HDAC9: variants seen among roughly 807,000 people sequenced by gnomAD.
HDAC9 encodes MEF-2 interacting transcription repressor (MITR) protein.
Under a neutral mutation model 139.4 loss-of-function variants are expected in HDAC9, and 41 were observed. The ratio of observed to expected loss-of-function variants is 0.29; its 90% confidence interval spans 0.23 to 0.38. HDAC9 has a LOEUF of 0.38. Among genes scored for constraint, HDAC9 ranks in the 10% least tolerant of loss-of-function variants. The pLI is 1.00. For missense variants in HDAC9, 1,147 were observed against 1,297.0 expected (o/e 0.88, Z 1.78); for synonymous variants, 517 against 476.2 (o/e 1.09, Z -1.12).
At chr7:18,314,902 A>C (rs1029203755) in intron 1 of HDAC9, among the ~76,000 whole-genome samples, 3 of 152,240 alleles carry the variant, frequency 2.0e-5, no homozygotes. Context: ...ACCATCACAA[A>C]TAAATATGTG....
chr7:18,224,145 A>G (rs1284861718), intron 2 of HDAC9, among the ~76,000 whole-genome samples: 1 of 152,202 alleles, frequency 6.6e-6, no homozygotes, highest in Non-Finnish European at 1.5e-5. Context: ...GTATGACTGC[A>G]TACCATTTTG....
At chr7:18,302,776 C>T (rs1798626664) in intron 1 of HDAC9, among the ~76,000 whole-genome samples, 1 of 152,098 alleles carries the variant, frequency 6.6e-6, no homozygotes, top group Non-Finnish European at 1.5e-5. Flanking sequence ...GTCTATAGTA[C>T]AGTGTTTGGG....
At chr7:18,652,213 A>G (rs184308743) in intron 11 of HDAC9, among the ~76,000 whole-genome samples, 24 of 152,242 alleles carry the variant, frequency 1.6e-4, no homozygotes, top group African/African-American at 5.5e-4. Flanking sequence ...GAGTTTCTTT[A>G]TACCAGCATC....
At chr7:18,928,307 A>T (rs984122235) in intron 22 of HDAC9, among the ~76,000 whole-genome samples, 1 of 152,214 alleles carries the variant, frequency 6.6e-6, no homozygotes, top group Non-Finnish European at 1.5e-5. Context: ...AGGTTATTCA[A>T]AATAGGCATT....
At chr7:18,175,768 A>AAC (rs1788844101) in intron 2 of HDAC9, among the ~76,000 whole-genome samples, 1 of 112,722 alleles carries the variant, frequency 8.9e-6, no homozygotes, top group Non-Finnish European at 1.8e-5. Flanking sequence ...ATTATTTTTA[A>AAC]CCCCCCCCCC....
At chr7:18,126,752 A>G (rs900680431) in intron 1 of HDAC9, among the ~76,000 whole-genome samples, 1 of 152,122 alleles carries the variant, frequency 6.6e-6, no homozygotes, top group African/African-American at 2.4e-5. Context: ...TGAGGGGTTT[A>G]CTAGTGCTGG....
rs115090580 is a variant in HDAC9, at chr7:18,699,504, T to C, written c.1732-28076T>C. On this transcript the variant is annotated intron_variant, in intron 12 of 25. Transcript: ENST00000686413. ...TAGTGCAAATAAGAAGTGTAAGAAGTATAAAATCAGTACAGAAGAACATGA... is the reference window on the plus strand; with the variant it reads ...TAGTGCAAATAAGAAGTGTAAGAAGCATAAAATCAGTACAGAAGAACATGA... Among the ~76,000 whole-genome samples, 497 of 152,276 alleles carry C rather than the reference T, an allele frequency of 3.3e-3. 5 individuals are homozygous for C. The highest frequency in any genetic ancestry group is 0.011 in the African/African-American group (470 of 41,568).
upstream of HDAC9, among the ~76,000 whole-genome samples, chr7:18,286,390 A>G (rs1013980305): frequency 1.3e-5 from 2 of 149,008 alleles, no homozygotes; most frequent in African/African-American, 4.9e-5. Context: ...ATATAGTAAT[A>G]TGTATTTATA....
At chr7:18,604,531 C>T (rs941674939) in intron 6 of HDAC9, among the ~76,000 whole-genome samples, 7 of 151,762 alleles carry the variant, frequency 4.6e-5, no homozygotes, top group East Asian at 3.9e-4. Flanking sequence ...CTCAGCCTCC[C>T]GAGAAGCTGG....
intron 2 of HDAC9, among the ~76,000 whole-genome samples, chr7:18,232,910 C>A (rs1228195336): frequency 6.6e-6 from 1 of 152,174 alleles, no homozygotes; most frequent in Non-Finnish European, 1.5e-5. Context: ...ATGCAAACAT[C>A]ATTTCCATTA....
At chr7:18,432,360 T>C (rs745629662) in intron 1 of HDAC9, among the ~76,000 whole-genome samples, 10 of 152,236 alleles carry the variant, frequency 6.6e-5, no homozygotes, top group Non-Finnish European at 1.2e-4. Context: ...TATGAGGACA[T>C]GTATTTTAAC....
At position 18,496,313 on chromosome 7, in the gene HDAC9, T is replaced by G. The variant is rs1284593198; in HGVS notation, c.11T>G (p.Met4Arg). The stretch of plus-strand genomic sequence containing the variant: ...TTGGCTCAGCAAAGAATGCACAGTA[T>G]GATCAGCTCAGGTAAGATCCTCTTT... Reference protein sequence around the residue: MHSMISSVDVKSEV... With the variant: MHSRISSVDVKSEV... The change falls in exon 2 of 26, where the codon ATG (methionine) becomes AGG (arginine). Residue 4 changes from methionine (M) to arginine (R), a missense_variant. Met to Arg is a moderately conservative substitution (Grantham distance 91). Around this residue, in one of 7 missense-constraint regions of HDAC9, gnomAD observed 136 missense variants for 183.5 expected, o/e 0.74. Transcript: ENST00000686413. The G allele has an allele frequency of 6.2e-7, 1 of 1,613,100 alleles. No individual in the cohort carries two copies. The highest frequency in any genetic ancestry group is 1.7e-5 in the Admixed American group (1 of 59,892).
At chr7:18,732,705 G>A (rs1166939813) in intron 13 of HDAC9, among the ~76,000 whole-genome samples, 5 of 131,080 alleles carry the variant, frequency 3.8e-5, no homozygotes, top group South Asian at 2.4e-4. Flanking sequence ...ACACGTGTAT[G>A]TGTGCGTATG....
chr7:18,323,815 C>A (rs895964713), intron 1 of HDAC9, among the ~76,000 whole-genome samples: 2 of 152,088 alleles, frequency 1.3e-5, no homozygotes, highest in Non-Finnish European at 2.9e-5. Flanking sequence ...ACACCATAGA[C>A]CACTTGACTT....
intron 17 of HDAC9, among the ~76,000 whole-genome samples, chr7:18,818,491 TG>T (rs1794733146): frequency 6.6e-6 from 1 of 152,338 alleles, no homozygotes; most frequent in East Asian, 1.9e-4. Flanking sequence ...TCTCATCTCT[TG>T]TCAGTTTATA....
intron 2 of HDAC9, among the ~76,000 whole-genome samples, chr7:18,187,699 C>A (rs1584531480): frequency 6.6e-6 from 1 of 152,168 alleles, no homozygotes; most frequent in Non-Finnish European, 1.5e-5. Flanking sequence ...CAGCCTAATC[C>A]ATACAGTGTT....
chr7:18,453,325 G>A (rs531191788), intron 1 of HDAC9, among the ~76,000 whole-genome samples: 2 of 152,198 alleles, frequency 1.3e-5, no homozygotes, highest in East Asian at 3.9e-4. Context: ...ATTAAAAAAA[G>A]TGGGGGGAAG....
intron 24 of HDAC9, among the ~76,000 whole-genome samples, chr7:18,959,550 C>T (rs1275730438): frequency 6.6e-6 from 1 of 152,162 alleles, no homozygotes; most frequent in Non-Finnish European, 1.5e-5. Context: ...AGTTGAAAAA[C>T]ACCAGTGTAG....
chr7:18,229,924 A>G (rs987087580), intron 2 of HDAC9, among the ~76,000 whole-genome samples: 1 of 152,170 alleles, frequency 6.6e-6, no homozygotes, highest in African/African-American at 2.4e-5. Context: ...AACTGTTTCT[A>G]CAAGTCATCA....
Sources: gnomAD v4.1 joint callset for allele counts (sites outside exome capture counted in the v4.1 genomes callset) on GRCh38, gnomAD v4.1.1 for gene constraint, gnomAD v4.1.1 regional missense constraint, MANE v1.5 for transcripts, NCBI Gene and HGNC (gene_info 2026-07-23, HGNC 2026-07-21) for gene names.